The following KBTBD4 variants were observed in gnomAD, a reference collection of about 807,000 sequenced individuals.
KBTBD4 encodes the protein kelch repeat and BTB domain containing 4.
KBTBD4 carries 30 observed loss-of-function variants against 43.9 expected under a neutral mutation model. The ratio of observed to expected loss-of-function variants is 0.68; its 90% CI spans 0.51 to 0.93. KBTBD4 has a LOEUF of 0.93. Ranked by LOEUF, KBTBD4 falls within the 40% of genes least tolerant of loss-of-function variation. The pLI is 0.00. For synonymous variants in KBTBD4, 258 were observed against 256.9 expected, an observed-to-expected ratio of 1.00 and a Z score of -0.04; for missense variants, 575 against 668.8, an observed-to-expected ratio of 0.86 and a Z score of 1.55.
Position 47,577,554 on chromosome 11 carries a change from T to C in KBTBD4, c.494A>G (p.Gln165Arg), listed in dbSNP as rs1268542010. 2.5e-6 allele frequency: 4 copies of C among 1,614,098 alleles called. No individual in the cohort carries two copies. Among genetic ancestry groups the C allele is most frequent in the Non-Finnish European group, 3.4e-6 (4 of 1,180,034 alleles). The change falls in exon 2 of 4, where the codon CAG becomes CGG. Residue 165 changes from glutamine to arginine, a missense_variant. By Grantham distance (43) the Gln-to-Arg change is conservative. Coordinates refer to ENST00000430070, the MANE Select transcript of KBTBD4 (RefSeq NM_018095.6). ...GTGCCGATCTGCCAGCCACATCACC[T>C]GAAGGCAGTTTCCCACTTGCACTGT... ...ARTVQVGNCL[Q>R]VMWLADRHSD... is the part of the protein sequence containing the mutation.
chr11:47,573,904 A>G lies in KBTBD4; in HGVS notation c.745-114T>C. ...CACTTGTTCCTAGCTTTATCATACT[A>G]CTCTCTAATTACTGTATGGCATCCA... On this transcript the variant is annotated intron_variant, in intron 3 of 3. Transcript: ENST00000430070. This position sits in a 1 kb window ranked among gnomAD's most constrained non-coding sequence, Gnocchi z 4.1. The G allele has an allele frequency of 3.1e-6, 3 of 952,870 alleles. No homozygotes were observed. The highest frequency in any genetic ancestry group is 4.7e-6 in the Non-Finnish European group (3 of 640,370). 59.0% of individuals were successfully genotyped at this position (952,870 alleles called of 1,614,324 possible).
intron 3 of KBTBD4, 46 bp downstream of exon 3, chr11:47,575,547 A>C: frequency 8.3e-7 from 1 of 1,202,720 alleles, no homozygotes; most frequent in South Asian, 1.3e-5. Context: ...GATGGCAAGA[A>C]TGCATGGAGA....
At chr11:47,577,365 T>G in intron 2 of KBTBD4, 46 bp downstream of exon 2, 1 of 1,533,804 alleles carries the variant, frequency 6.5e-7, no homozygotes, top group Non-Finnish European at 8.8e-7. Flanking sequence ...TCACTGAACA[T>G]CATAGCCAAG....
At chr11:47,578,354 G>A (rs911735756) in intron 1 of KBTBD4, 12 of 569,580 alleles carry the variant, frequency 2.1e-5, no homozygotes, top group Middle Eastern at 4.2e-4. Flanking sequence ...AGGGCTGGGA[G>A]AGGCCTGTGA....
At chr11:47,574,768 C>T (rs1389145707) in intron 3 of KBTBD4, among the ~76,000 whole-genome samples, 1 of 151,804 alleles carries the variant, frequency 6.6e-6, no homozygotes, top group Non-Finnish European at 1.5e-5. Flanking sequence ...GCAGAAAAAT[C>T]GCTTGAACCC....
rs148905856 is a variant in KBTBD4 at position 47,577,534 on chromosome 11, G to A, written c.514C>T (p.Arg172Trp). 1.2e-5 allele frequency: 19 copies of A among 1,614,018 alleles called. No homozygotes were observed. The highest frequency in any genetic ancestry group is 2.2e-5 in the South Asian group (2 of 91,084). Residue 172 changes from arginine (R) to tryptophan (W), a missense_variant, in exon 2 of 4, where the codon CGG becomes TGG. Physicochemically the swap from Arg to Trp is moderately radical, Grantham distance 101. Transcript: ENST00000430070. ...GTATAGAGCTCAGGATCACTGTGCCGATCTGCCAGCCACATCACCTGAAGG... is the reference window on the plus strand; with the variant it reads ...GTATAGAGCTCAGGATCACTGTGCCAATCTGCCAGCCACATCACCTGAAGG... Reference protein sequence around the residue: ...NCLQVMWLADRHSDPELYTAA... With the variant: ...NCLQVMWLADWHSDPELYTAA...
chr11:47,575,738 C>T lies in KBTBD4; in HGVS notation c.638-39G>A, dbSNP rs766793306. 6.0e-6 allele frequency: 8 copies of T among 1,339,762 alleles called. No homozygotes were observed. In the East Asian group the frequency reaches 1.1e-4, roughly 19 times the overall value. 83.0% of individuals were successfully genotyped at this position (1,339,762 alleles called of 1,614,324 possible). ...AGGAAAGGCATGGTCAATGACAATC[C>T]GAAAGAGAAATTCAGAGTAAGGGAC... On this transcript the variant is annotated intron_variant, in intron 2 of 3. Coordinates refer to ENST00000430070, the MANE Select transcript of KBTBD4 (RefSeq NM_018095.6).
chr11:47,573,430 CGCGATAATAAATGACTGCGTT>C lies in KBTBD4; in HGVS notation c.1084_1104del (p.Asn362_Arg368del). ...GTCTCTGTCCACACATTATCACCTA[CGCGATAATAAATGACTGCGTT>C]GGAGAGGGTATCTTGCAGTGTCTTG... is the stretch of plus-strand genomic sequence containing the variant. On this transcript the variant is annotated inframe_deletion, in exon 4 of 4. Transcript: ENST00000430070. The surrounding 1 kb of genome is among the most constrained non-coding windows in gnomAD (Gnocchi z 4.1). 3 of 1,614,202 alleles carry C rather than the reference CGCGATAATAAATGACTGCGTT, an allele frequency of 1.9e-6. No individual in the cohort carries two copies. The highest frequency in any genetic ancestry group is 2.5e-6 in the Non-Finnish European group (3 of 1,180,044).
At chr11:47,578,639 C>T in intron 1 of KBTBD4, 1 of 787,494 alleles carries the variant, frequency 1.3e-6, no homozygotes, top group Non-Finnish European at 2.1e-6. Flanking sequence ...GCCCCCAGGC[C>T]GGGGCACTGG....
intron 3 of KBTBD4, among the ~76,000 whole-genome samples, chr11:47,574,138 C>T (rs972241479): frequency 6.6e-6 from 1 of 151,994 alleles, no homozygotes; most frequent in Admixed American, 6.6e-5. Context: ...TTCTCCCCAG[C>T]TCATATCAAC....
At chr11:47,576,158 CTTTTTTTTTTTT>C (rs11345162) in intron 2 of KBTBD4, among the ~76,000 whole-genome samples, 17 of 49,126 alleles carry the variant, frequency 3.5e-4, no homozygotes, top group South Asian at 1.1e-3. Flanking sequence ...GCGGGTCTTG[CTTTTTTTTTTTT>C]TTTTTTTTTT....
intron 1 of KBTBD4, chr11:47,578,480 C>A (rs1181091934): frequency 1.5e-5 from 9 of 598,522 alleles, no homozygotes; most frequent in Middle Eastern, 2.6e-4. Flanking sequence ...CCTCTCCTTC[C>A]CAGCGCATGG....
intron 1 of KBTBD4, chr11:47,578,385 A>C: frequency 1.8e-6 from 1 of 560,106 alleles, no homozygotes. Context: ...CTTACTAACC[A>C]AATAACTGGG....
In KBTBD4 at chr11:47,578,030, T is replaced by C; in HGVS notation, c.20-2A>G. ...CCAACTTCTCTCTCTGCCAGCTGTC[T>C]GCAAAGCAACACCATCTTGAGTAAC... On this transcript the variant is annotated splice_acceptor_variant, in intron 1 of 3. Coordinates refer to ENST00000430070, the MANE Select transcript of KBTBD4 (RefSeq NM_018095.6). LOFTEE classifies it high-confidence loss of function. The C allele has an allele frequency of 6.2e-7, 1 of 1,614,040 alleles. No individual in the cohort carries two copies. The highest frequency in any genetic ancestry group is 1.3e-5 in the African/African-American group (1 of 75,042).
At chr11:47,575,722 A>T (rs770306486) in intron 2 of KBTBD4, 23 bp from the exon 3 acceptor site, 18 of 1,450,034 alleles carry the variant, frequency 1.2e-5, no homozygotes, top group Non-Finnish European at 1.7e-5. Flanking sequence ...GAGGAAAGGC[A>T]TGGTCAATGA....
In KBTBD4 at chr11:47,577,746, AC is replaced by A. The variant is rs1222226561; in HGVS notation, c.301del (p.Val101Ter). On this transcript the variant is annotated frameshift_variant, in exon 2 of 4. Coordinates refer to ENST00000430070, the MANE Select transcript of KBTBD4 (RefSeq NM_018095.6). LOFTEE classifies it high-confidence loss of function. ...CTCGCTGACATCCTGCAGCACAATC[AC>A]CCGGTTGTGGGCCTCCTTCAGGTTG... ...TSNLKEAHNR[V>X]IVLQDVSESV... 1 of 1,614,014 alleles carries A rather than the reference AC, an allele frequency of 6.2e-7. No homozygotes were observed. The highest frequency in any genetic ancestry group is 8.5e-7 in the Non-Finnish European group (1 of 1,180,002).
In KBTBD4 at chr11:47,577,707, A is replaced by G; in HGVS notation, c.341T>C (p.Leu114Pro). 1 of 1,614,192 alleles carries G rather than the reference A, an allele frequency of 6.2e-7. No homozygotes were observed. Among genetic ancestry groups the G allele is most frequent in the Non-Finnish European group, 8.5e-7 (1 of 1,180,018 alleles). Residue 114 changes from leucine to proline, a missense_variant, in exon 2 of 4, where the codon CTC becomes CCC. Coordinates refer to ENST00000430070, the MANE Select transcript of KBTBD4 (RefSeq NM_018095.6). ...CCCATGGTAGATATAATCAACCAGG[A>G]GCTGGAAAACAGACTCGCTGACATC... ...LQDVSESVFQ[L>P]LVDYIYHGTV...
At chr11:47,575,205 G>T (rs1403740337) in intron 3 of KBTBD4, among the ~76,000 whole-genome samples, 1 of 136,256 alleles carries the variant, frequency 7.3e-6, no homozygotes, top group Non-Finnish European at 1.6e-5. Flanking sequence ...GTGAGAATCC[G>T]TCTTAAAAAA....
chr11:47,574,777 C>G (rs1048145996), intron 3 of KBTBD4, among the ~76,000 whole-genome samples: 1 of 151,788 alleles, frequency 6.6e-6, no homozygotes, highest in Non-Finnish European at 1.5e-5. Flanking sequence ...TCGCTTGAAC[C>G]CAGGAGGTAG....
Sources: allele counts gnomAD v4.1 joint callset (sites outside exome capture counted in the v4.1 genomes callset), GRCh38; gene constraint gnomAD v4.1.1; non-coding constraint Gnocchi (gnomAD v3.1); transcripts MANE v1.5; gene names NCBI Gene and HGNC (gene_info 2026-07-23, HGNC 2026-07-21).